The following CA10 variants were observed in gnomAD, a reference collection of about 807,000 sequenced individuals.
The protein encoded by CA10 is carbonic anhydrase 10 (inactive).
Under a neutral mutation model 44.2 loss-of-function variants are expected in CA10, and 14 were observed. The ratio of observed to expected loss-of-function variants is 0.32; its 90% CI spans 0.21 to 0.50. The LOEUF (loss-of-function observed/expected upper bound fraction) is 0.50, where lower values mean the gene tolerates loss of function less well. Among genes scored for constraint, CA10 ranks in the 20% least tolerant of loss-of-function variants. The probability of loss-of-function intolerance (pLI) is 0.99; values close to 1 mark genes in which losing one functional copy is unlikely to be tolerated. For missense variants in CA10, 350 were observed against 409.7 expected, an observed-to-expected ratio of 0.85 and a Z score of 1.26; for synonymous variants, 159 against 141.6, an observed-to-expected ratio of 1.12 and a Z score of -0.87.
chr17:51,731,288 AATC>A (rs1199969511), intron 4 of CA10, among the ~76,000 whole-genome samples: 2 of 152,190 alleles, frequency 1.3e-5, no homozygotes, highest in Admixed American at 6.5e-5. Context: ...GAGGCAGGAG[AATC>A]ACTTGAACCC....
At chr17:51,650,063 AG>A (rs1243235536) in intron 5 of CA10, among the ~76,000 whole-genome samples, 1 of 152,146 alleles carries the variant, frequency 6.6e-6, no homozygotes, top group African/African-American at 2.4e-5. Flanking sequence ...ACATTGTACC[AG>A]ATGTTCAGGG....
intron 1 of CA10, among the ~76,000 whole-genome samples, chr17:52,107,514 T>A (rs1298054347): frequency 2.0e-5 from 3 of 152,162 alleles, no homozygotes; most frequent in Non-Finnish European, 4.4e-5. Flanking sequence ...TGTCTCCACA[T>A]GAACAGTTTG....
chr17:52,112,530 C>A (rs1988808638), intron 1 of CA10, among the ~76,000 whole-genome samples: 1 of 152,214 alleles, frequency 6.6e-6, no homozygotes, highest in African/African-American at 2.4e-5. Flanking sequence ...TTTGCTGACT[C>A]TTGCTCTACA....
chr17:51,868,948 A>G (rs1024386873), intron 3 of CA10, among the ~76,000 whole-genome samples: 3 of 151,994 alleles, frequency 2.0e-5, no homozygotes, highest in Non-Finnish European at 4.4e-5. Flanking sequence ...CAAGTATAAA[A>G]AATGGAAAAT....
intron 3 of CA10, among the ~76,000 whole-genome samples, chr17:51,751,680 T>C (rs1869257849): frequency 1.3e-5 from 2 of 152,222 alleles, no homozygotes; most frequent in Admixed American, 1.3e-4. Flanking sequence ...TGGAGCTAAC[T>C]TCTGCCTTGT....
At chr17:51,846,970 A>G (rs1978522131) in intron 3 of CA10, among the ~76,000 whole-genome samples, 1 of 152,196 alleles carries the variant, frequency 6.6e-6, no homozygotes, top group African/African-American at 2.4e-5. Flanking sequence ...AGGTGTGCTG[A>G]TAGTTGCCTG....
intron 4 of CA10, among the ~76,000 whole-genome samples, chr17:51,662,630 T>A (rs1421394451): frequency 1.3e-5 from 2 of 152,190 alleles, no homozygotes; most frequent in Admixed American, 6.5e-5. Context: ...GCACACACAG[T>A]CTGCAGAGAA....
intron 2 of CA10, among the ~76,000 whole-genome samples, chr17:51,977,963 G>A (rs2144081672): frequency 6.6e-6 from 1 of 152,190 alleles, no homozygotes; most frequent in African/African-American, 2.4e-5. Context: ...TAAATTTAAT[G>A]GGTGGTGTGC....
At chr17:52,058,332 ACT>A (rs1324115387) in intron 2 of CA10, among the ~76,000 whole-genome samples, 1 of 152,126 alleles carries the variant, frequency 6.6e-6, no homozygotes, top group East Asian at 1.9e-4. Context: ...TGCAGGACTA[ACT>A]CTAATACAAA....
chr17:51,952,039 G>T (rs1598136271), intron 2 of CA10, among the ~76,000 whole-genome samples: 1 of 152,260 alleles, frequency 6.6e-6, no homozygotes, highest in East Asian at 1.9e-4. Context: ...CAGTCTTTGG[G>T]AAGAAGAGAA....
At chr17:51,810,363 G>A (rs1391295738) in intron 3 of CA10, among the ~76,000 whole-genome samples, 2 of 152,148 alleles carry the variant, frequency 1.3e-5, no homozygotes, top group Non-Finnish European at 2.9e-5. Flanking sequence ...GCACCAAGAA[G>A]GGTTTCTAGC....
At chr17:51,645,846 T>A (rs1913310103) in intron 6 of CA10, among the ~76,000 whole-genome samples, 1 of 152,248 alleles carries the variant, frequency 6.6e-6, no homozygotes, top group Non-Finnish European at 1.5e-5. Context: ...TTCATCTCCT[T>A]GGCAGGATTT....
At chr17:51,847,914 C>T (rs897392080) in intron 3 of CA10, among the ~76,000 whole-genome samples, 1 of 152,152 alleles carries the variant, frequency 6.6e-6, no homozygotes, top group Non-Finnish European at 1.5e-5. Context: ...CAGCACTTTC[C>T]AGACGAGACC....
rs116268085 is a variant in CA10, at chr17:51,710,579, G to A, written c.465+37054C>T. On this transcript the variant is annotated intron_variant, in intron 4 of 8. Transcript: ENST00000451037. The stretch of plus-strand genomic sequence containing the variant: ...TTTGCCTGGGGTGTTACCACAGGAG[G>A]TGGGAGTTTGGGGGTAATTTTTTGT... Among the ~76,000 whole-genome samples, 466 of 152,272 alleles carry A rather than the reference G, an allele frequency of 3.1e-3. 1 individual carries two copies. The Middle Eastern group carries it at 0.037, about 12-fold the overall frequency.
chr17:52,091,138 T>A (rs1322482335), intron 1 of CA10, among the ~76,000 whole-genome samples: 1 of 152,132 alleles, frequency 6.6e-6, no homozygotes, highest in Non-Finnish European at 1.5e-5. Flanking sequence ...ATATAAAATA[T>A]GATCCTAATT....
intron 2 of CA10, among the ~76,000 whole-genome samples, chr17:52,007,755 G>T (rs753670415): frequency 2.7e-4 from 41 of 151,184 alleles, no homozygotes; most frequent in Non-Finnish European, 5.8e-4. Flanking sequence ...CTCATAAAAT[G>T]AATTGGGTAG....
intron 1 of CA10, among the ~76,000 whole-genome samples, chr17:52,086,871 T>G (rs192823273): frequency 4.4e-4 from 67 of 152,350 alleles, no homozygotes; most frequent in Non-Finnish European, 4.6e-4. Context: ...CTTTTCCACA[T>G]GCAGCTTTAG....
intron 3 of CA10, among the ~76,000 whole-genome samples, chr17:51,898,805 C>A (rs1981184424): frequency 6.6e-6 from 1 of 151,776 alleles, no homozygotes; most frequent in Admixed American, 6.6e-5. Context: ...GAAATGTATC[C>A]ATTTCTTCTA....
At chr17:51,998,970 A>T (rs2144116382) in intron 2 of CA10, among the ~76,000 whole-genome samples, 1 of 152,094 alleles carries the variant, frequency 6.6e-6, no homozygotes, top group East Asian at 2.0e-4. Flanking sequence ...TCTATTACCA[A>T]CTTGTAATGG....
Sources: gnomAD v4.1 joint callset for allele counts (sites outside exome capture counted in the v4.1 genomes callset) on GRCh38, gnomAD v4.1.1 for gene constraint, MANE v1.5 for transcripts, NCBI Gene and HGNC (gene_info 2026-07-23, HGNC 2026-07-21) for gene names.